Variants in ZNF214 observed in about 807,000 individuals in gnomAD.
ZNF214 encodes the protein zinc finger protein 214.
In ZNF214, 43 loss-of-function variants were observed where a neutral mutation model predicts 53.9. The observed-to-expected ratio is 0.80, with a 90% CI of 0.63 to 1.03. The LOEUF (loss-of-function observed/expected upper bound fraction) is 1.03. Among genes scored for constraint, ZNF214 ranks in the 50% least tolerant of loss-of-function variants. The pLI is 0.00. For missense variants in ZNF214, 724 were observed against 719.1 expected (o/e 1.01, Z -0.08); for synonymous variants, 217 against 229.5 (o/e 0.95, Z 0.49).
rs1851271347 is a variant in ZNF214 at position 6,999,682 on chromosome 11, T to C, written c.*180A>G. Reference sequence around the variant, plus strand: ...GAAAAATACACTATAATTTTAAATATATAGGGTTTTTTCTAAAGATCTCCT... The same window carrying C: ...GAAAAATACACTATAATTTTAAATACATAGGGTTTTTTCTAAAGATCTCCT... On this transcript the variant is annotated 3_prime_UTR_variant, in exon 3 of 3. Coordinates refer to ENST00000278314, the MANE Select transcript of ZNF214 (RefSeq NM_013249.4). 1.8e-6 allele frequency: 1 copy of C among 567,248 alleles called. No individual in the cohort carries two copies. Among genetic ancestry groups the C allele is most frequent in the Admixed American group, 3.4e-5 (1 of 29,256 alleles). The allele number at this position is 567,248 out of a possible 1,614,324, so 35.1% of individuals were successfully genotyped here. A position where few individuals can be genotyped will look rare whatever the true frequency, so the allele number is the denominator to read the frequency against.
At chr11:7,003,594 T>C (rs138110786) in intron 1 of ZNF214, among the ~76,000 whole-genome samples, 2 of 152,146 alleles carry the variant, frequency 1.3e-5, no homozygotes, top group East Asian at 1.9e-4. Context: ...AGTTACATCA[T>C]AGAGGTTTTT....
chr11:7,020,126 T>A lies in ZNF214; in HGVS notation c.-74A>T, dbSNP rs961916948. 1.3e-5 allele frequency: 2 copies of A among 152,244 alleles called. No homozygotes were observed. Among genetic ancestry groups the A allele is most frequent in the African/African-American group, 4.8e-5 (2 of 41,392 alleles). The allele number at this position is 152,244 out of a possible 1,614,324, so 9.4% of individuals were successfully genotyped here. ...GCCGTGATGTACCCATCTACACGGG[T>A]GTCTCTGGGGTTTCTAAACCGGAGT... On this transcript the variant is annotated 5_prime_UTR_variant, in exon 1 of 3. Coordinates refer to ENST00000278314, the MANE Select transcript of ZNF214 (RefSeq NM_013249.4).
chr11:7,018,960 G>A (rs1851845412), intron 1 of ZNF214, among the ~76,000 whole-genome samples: 1 of 152,150 alleles, frequency 6.6e-6, no homozygotes, highest in Admixed American at 6.5e-5. Flanking sequence ...AGGCAAGCGA[G>A]GAACGTTTTC....
At chr11:7,017,808 A>C (rs1324484615) in intron 1 of ZNF214, among the ~76,000 whole-genome samples, 2 of 152,218 alleles carry the variant, frequency 1.3e-5, no homozygotes, top group African/African-American at 4.8e-5. Context: ...CAGTCATTAA[A>C]ACTCATGCTA....
chr11:7,008,887 A>G (rs112836539), intron 1 of ZNF214, among the ~76,000 whole-genome samples: 6 of 152,258 alleles, frequency 3.9e-5, no homozygotes, highest in Admixed American at 1.3e-4. Context: ...AGGGAGGTAA[A>G]AGATCTCTAC....
In ZNF214 at chr11:6,997,401, C is replaced by A. The variant is rs189404640; in HGVS notation, c.*2461G>T. Among the ~76,000 whole-genome samples, 73 of 151,782 alleles carry A rather than the reference C, an allele frequency of 4.8e-4. No homozygotes were observed. The highest frequency in any genetic ancestry group is 1.7e-3 in the African/African-American group (69 of 41,438). ...CAACATTTTAAAATGAAGCATTGAA[C>A]GTGTTTTGATACATTTGGCTTTAAT... On this transcript the variant is annotated 3_prime_UTR_variant, in exon 3 of 3. Transcript: ENST00000278314.
intron 1 of ZNF214, among the ~76,000 whole-genome samples, chr11:7,009,962 G>A (rs549101834): frequency 7.9e-5 from 12 of 152,044 alleles, no homozygotes; most frequent in Non-Finnish European, 1.6e-4. Flanking sequence ...ACTTAAATAC[G>A]CTGATGGTGG....
At chr11:7,010,941 T>A (rs34462403) in intron 1 of ZNF214, among the ~76,000 whole-genome samples, 22,973 of 133,054 alleles carry the variant, frequency 0.17, 2,151 homozygotes, top group Non-Finnish European at 0.24. Flanking sequence ...ATGGATCAAT[T>A]CCCAGTGAAG....
Position 7,000,853 on chromosome 11 carries a change from C to T in ZNF214, c.830G>A (p.Cys277Tyr), listed in dbSNP as rs761266426. Residue 277 changes from cysteine to tyrosine, a missense_variant, in exon 3 of 3, where the codon TGT becomes TAT. Transcript: ENST00000278314. ...RNHIGKKLYG[C>Y]DEVDGNFHQS... Reference sequence around the variant, plus strand: ...ATGAAAGTTACCGTCAACTTCATCACATCCGTACAGCTTCTTACCTATGTG... The same window carrying T: ...ATGAAAGTTACCGTCAACTTCATCATATCCGTACAGCTTCTTACCTATGTG... 3 of 1,612,920 alleles carry T rather than the reference C, an allele frequency of 1.9e-6. No individual in the cohort carries two copies. The highest frequency in any genetic ancestry group is 1.7e-6 in the Non-Finnish European group (2 of 1,179,466).
chr11:7,001,157 G>A lies in ZNF214; in HGVS notation c.526C>T (p.Leu176Phe). 1 of 1,613,270 alleles carries A rather than the reference G, an allele frequency of 6.2e-7. No homozygotes were observed. The highest frequency in any genetic ancestry group is 1.3e-5 in the African/African-American group (1 of 74,936). ...RYRLGISRKN[L>F]SMEKEQKLIV... Reference sequence around the variant, plus strand: ...AGCTTCTGTTCTTTTTCCATGGAGAGGTTTTTCCTGGATATGCCAAGACGG... The same window carrying A: ...AGCTTCTGTTCTTTTTCCATGGAGAAGTTTTTCCTGGATATGCCAAGACGG... Residue 176 changes from leucine to phenylalanine, a missense_variant, in exon 3 of 3, where the codon CTC becomes TTC. Leu to Phe is a conservative substitution (Grantham distance 22, BLOSUM62 0). Coordinates refer to ENST00000278314, the MANE Select transcript of ZNF214 (RefSeq NM_013249.4).
In ZNF214 at chr11:7,009,929, C is replaced by A. The variant is rs147870885; in HGVS notation, c.-20-7074G>T. ...AATTCAAAAAATAATAAGATGCTGA[C>A]AAAGTAGCAGAGAAAAAGGAATACT... On this transcript the variant is annotated intron_variant, in intron 1 of 2. Coordinates refer to ENST00000278314, the MANE Select transcript of ZNF214 (RefSeq NM_013249.4). 2.4e-4 allele frequency among the ~76,000 whole-genome samples: 37 copies of A among 151,980 alleles called. No individual in the cohort carries two copies. In the East Asian group the frequency reaches 6.6e-3, roughly 27 times the overall value.
In ZNF214 at chr11:7,011,481, G is replaced by A. The variant is rs74663569; in HGVS notation, c.-21+8592C>T. Among the ~76,000 whole-genome samples the A allele has an allele frequency of 8.1e-3, 1,226 of 152,060 alleles. 14 individuals carry two copies. Among genetic ancestry groups the A allele is most frequent in the African/African-American group, 0.028 (1,142 of 41,526 alleles). ...TATAAAGTTCAGGAAGTTCAACACCGATGTATTCTCTTAAAAACACTTGTA... is the reference window on the plus strand; with the variant it reads ...TATAAAGTTCAGGAAGTTCAACACCAATGTATTCTCTTAAAAACACTTGTA... On this transcript the variant is annotated intron_variant, in intron 1 of 2. Coordinates refer to ENST00000278314, the MANE Select transcript of ZNF214 (RefSeq NM_013249.4).
chr11:7,004,387 T>C (rs1345528895), intron 1 of ZNF214, among the ~76,000 whole-genome samples: 2 of 99,780 alleles, frequency 2.0e-5, no homozygotes, highest in Admixed American at 1.0e-4. Context: ...ATTTAATACA[T>C]AGTGTACAAC....
At chr11:7,014,826 A>C (rs938570221) in intron 1 of ZNF214, among the ~76,000 whole-genome samples, 6 of 151,236 alleles carry the variant, frequency 4.0e-5, no homozygotes, top group Non-Finnish European at 7.4e-5. Context: ...AAAACAAAAA[A>C]AAAACACTAC....
In ZNF214 at chr11:6,999,568, G is replaced by GAA. The variant is rs5789495; in HGVS notation, c.*292_*293dup. The GAA allele has an allele frequency of 9.1e-5, 18 of 197,948 alleles. No individual in the cohort carries two copies. Among genetic ancestry groups the GAA allele is most frequent in the Non-Finnish European group, 1.5e-4 (15 of 98,600 alleles). The allele number at this position is 197,948 out of a possible 1,614,324, so 12.3% of individuals were successfully genotyped here. A position where few individuals can be genotyped will look rare whatever the true frequency, so the allele number is the denominator to read the frequency against. ...AATTTCATGCACATTAAAATGCACA[G>GAA]AAAAAAAGACTAGAATGAAATAGAA... On this transcript the variant is annotated 3_prime_UTR_variant, in exon 3 of 3. Coordinates refer to ENST00000278314, the MANE Select transcript of ZNF214 (RefSeq NM_013249.4).
intron 1 of ZNF214, among the ~76,000 whole-genome samples, chr11:7,018,579 G>C (rs1473512791): frequency 1.5e-5 from 2 of 133,748 alleles, no homozygotes; most frequent in East Asian, 4.6e-4. Context: ...CTGGCTCACT[G>C]CAACTTCAGC....
intron 1 of ZNF214, among the ~76,000 whole-genome samples, chr11:7,019,217 A>G (rs1382664634): frequency 6.6e-6 from 1 of 152,126 alleles, no homozygotes; most frequent in Non-Finnish European, 1.5e-5. Context: ...TAAATTTCCC[A>G]TATACTAACT....
intron 1 of ZNF214, among the ~76,000 whole-genome samples, chr11:7,012,830 A>T (rs1589843800): frequency 6.6e-6 from 1 of 152,190 alleles, no homozygotes; most frequent in Non-Finnish European, 1.5e-5. Context: ...CTACTACCAT[A>T]TCACTAATTA....
chr11:7,014,374 A>T (rs552529043), intron 1 of ZNF214, among the ~76,000 whole-genome samples: 1 of 152,364 alleles, frequency 6.6e-6, no homozygotes, highest in Admixed American at 6.5e-5. Flanking sequence ...AAAACAGATA[A>T]GTTGTTCATA....
Sources: allele counts gnomAD v4.1 joint callset (sites outside exome capture counted in the v4.1 genomes callset), GRCh38; gene constraint gnomAD v4.1.1; transcripts MANE v1.5; gene names NCBI Gene and HGNC (gene_info 2026-07-23, HGNC 2026-07-21).